Variants in FYB1 observed in about 807,000 individuals in gnomAD.
FYB1 encodes the protein FYN-binding protein 1.
A neutral mutation model predicts 94.1 loss-of-function variants in FYB1; 41 were observed. That is an observed-to-expected ratio of 0.44 (90% CI 0.34 to 0.57). The LOEUF (loss-of-function observed/expected upper bound fraction) is 0.57. FYB1 is among the 20% of genes least tolerant of loss of function. The pLI, the probability that FYB1 is intolerant of heterozygous loss-of-function variation, is 0.02. For synonymous variants in FYB1, 367 were observed against 353.2 expected (o/e 1.04, Z -0.44); for missense variants, 1,050 against 976.8 (o/e 1.07, Z -1.00).
At chr5:39,231,370 A>T (rs1021564613) in intron 1 of FYB1, among the ~76,000 whole-genome samples, 6 of 152,074 alleles carry the variant, frequency 3.9e-5, no homozygotes, top group African/African-American at 1.4e-4. Context: ...TTCTCTCTAA[A>T]TGTACTGAGT....
Position 39,118,943 on chromosome 5 carries a change from C to T in FYB1, c.2332G>A (p.Gly778Ser), listed in dbSNP as rs777173814. 8 of 1,571,518 alleles carry T rather than the reference C, an allele frequency of 5.1e-6. No individual in the cohort carries two copies. The highest frequency in any genetic ancestry group is 1.2e-5 in the South Asian group (1 of 84,818). Residue 778 changes from glycine to serine, a missense_variant, in exon 16 of 19, where the codon GGT becomes AGT. Gly to Ser is a moderately conservative substitution (Grantham distance 56). Coordinates refer to ENST00000512982, the MANE Select transcript of FYB1 (RefSeq NM_001465.6). ...GTTTGTATAACTTCTAGAGATTCAC[C>T]AGGTTTTACCTGTAGATCTCTGGTT... ...WGTRDLQVKP[G>S]ESLEVIQTTD...
Position 39,170,355 on chromosome 5 carries a change from T to C in FYB1, c.1136-16751A>G, listed in dbSNP as rs1045831894. ...ACATGATGGCAGCAGAATAATCCTATTGGCAAACCTGAGGACTCTGGGCCA... is the reference window on the plus strand; with the variant it reads ...ACATGATGGCAGCAGAATAATCCTACTGGCAAACCTGAGGACTCTGGGCCA... On this transcript the variant is annotated intron_variant, in intron 2 of 18. Coordinates refer to ENST00000512982, the MANE Select transcript of FYB1 (RefSeq NM_001465.6). The C allele has an allele frequency of 4.3e-5, 47 of 1,081,470 alleles. 1 individual carries two copies. Among genetic ancestry groups the C allele is most frequent in the Non-Finnish European group, 6.5e-6 (5 of 765,316 alleles). 67.0% of individuals were successfully genotyped at this position (1,081,470 alleles called of 1,614,324 possible).
At chr5:39,265,379 G>A (rs1231659133) in intron 1 of FYB1, among the ~76,000 whole-genome samples, 7 of 152,104 alleles carry the variant, frequency 4.6e-5, no homozygotes, top group Non-Finnish European at 1.5e-5. Flanking sequence ...AGCTACTCAG[G>A]AGGCTGAGGC....
intron 10 of FYB1, among the ~76,000 whole-genome samples, chr5:39,129,928 A>G (rs971575975): frequency 1.3e-5 from 2 of 152,162 alleles, no homozygotes; most frequent in African/African-American, 4.8e-5. Context: ...AAGGAAAGAG[A>G]ATCAGTATAT....
intron 10 of FYB1, 119 bp from the exon 11 acceptor site, chr5:39,127,926 T>G: frequency 1.1e-6 from 1 of 871,866 alleles, no homozygotes; most frequent in Admixed American, 3.8e-5. Context: ...CACTTTCATG[T>G]AAACCATTTA....
intron 3 of FYB1, among the ~76,000 whole-genome samples, chr5:39,146,993 C>G (rs953699280): frequency 6.6e-6 from 1 of 151,982 alleles, no homozygotes; most frequent in Non-Finnish European, 1.5e-5. Context: ...TTGAGAAAAG[C>G]CCCATACAGA....
chr5:39,173,057 A>G (rs1037807358), intron 2 of FYB1, among the ~76,000 whole-genome samples: 2 of 152,220 alleles, frequency 1.3e-5, no homozygotes, highest in Admixed American at 1.3e-4. Flanking sequence ...ACTACCTTAC[A>G]TTCCCACCAA....
chr5:39,140,564 C>A (rs980755850), intron 4 of FYB1, among the ~76,000 whole-genome samples: 1 of 152,170 alleles, frequency 6.6e-6, no homozygotes, highest in Non-Finnish European at 1.5e-5. Context: ...TCTTAGCAAC[C>A]ATTCCACTTC....
At chr5:39,242,775 A>G (rs1406092727) in intron 1 of FYB1, among the ~76,000 whole-genome samples, 1 of 152,066 alleles carries the variant, frequency 6.6e-6, no homozygotes, top group East Asian at 1.9e-4. Context: ...AAATGTTCCT[A>G]TTTCTCCACA....
chr5:39,167,173 T>TG (rs1252578245), intron 2 of FYB1, among the ~76,000 whole-genome samples: 2 of 151,800 alleles, frequency 1.3e-5, no homozygotes, highest in Non-Finnish European at 2.9e-5. Context: ...AAAGAAGTAG[T>TG]GGGGCACAGT....
At chr5:39,240,385 C>A (rs1751151530) in intron 1 of FYB1, among the ~76,000 whole-genome samples, 1 of 152,186 alleles carries the variant, frequency 6.6e-6, no homozygotes, top group Non-Finnish European at 1.5e-5. Flanking sequence ...AGTACACAGA[C>A]AATCTATAGA....
At chr5:39,149,419 C>T (rs1454592887) in intron 3 of FYB1, among the ~76,000 whole-genome samples, 1 of 152,172 alleles carries the variant, frequency 6.6e-6, no homozygotes, top group Non-Finnish European at 1.5e-5. Context: ...TTGGCTCCTG[C>T]AATTCTCCCC....
chr5:39,166,440 A>C (rs79542485), intron 2 of FYB1, among the ~76,000 whole-genome samples: 1 of 146,384 alleles, frequency 6.8e-6, no homozygotes, highest in Admixed American at 6.8e-5. Context: ...CGTCTCATAA[A>C]AAAAAAAAAA....
At chr5:39,196,559 T>C (rs994312654) in intron 2 of FYB1, among the ~76,000 whole-genome samples, 1 of 152,196 alleles carries the variant, frequency 6.6e-6, no homozygotes, top group Non-Finnish European at 1.5e-5. Flanking sequence ...ATTACTTTTG[T>C]ACTCCAAATG....
chr5:39,241,408 T>G (rs1236871364), intron 1 of FYB1, among the ~76,000 whole-genome samples: 2 of 152,138 alleles, frequency 1.3e-5, no homozygotes, highest in Non-Finnish European at 2.9e-5. Flanking sequence ...GAGGGGGACA[T>G]AAGCTTCAGT....
chr5:39,201,882 G>C lies in FYB1; in HGVS notation c.1079C>G (p.Pro360Arg), dbSNP rs1159077952. Reference protein sequence around the residue: ...LFTLGPPPPKPNRPPNVDLTK... With the variant: ...LFTLGPPPPKRNRPPNVDLTK... ...CAGGTCAACATTTGGTGGTCTGTTG[G>C]GTTTTGGTGGAGGTGGACCCAAGGT... The change falls in exon 2 of 19, where the codon CCC (proline) becomes CGC (arginine). Residue 360 changes from proline (P) to arginine (R), a missense_variant. Transcript: ENST00000512982. The C allele has an allele frequency of 6.2e-7, 1 of 1,613,876 alleles. No homozygotes were observed. The highest frequency in any genetic ancestry group is 1.7e-5 in the Admixed American group (1 of 59,998).
At chr5:39,137,759 G>A in intron 6 of FYB1, 39 bp from the exon 7 acceptor site, 6 of 1,549,246 alleles carry the variant, frequency 3.9e-6, no homozygotes, top group Non-Finnish European at 5.2e-6. Context: ...CACATCTGCA[G>A]GTGTTGATGC....
intron 17 of FYB1, among the ~76,000 whole-genome samples, chr5:39,108,869 T>G (rs1437481504): frequency 6.6e-6 from 1 of 152,094 alleles, no homozygotes; most frequent in Admixed American, 6.6e-5. Flanking sequence ...TTACACATTT[T>G]AGGTTTTGCC....
chr5:39,206,770 A>G (rs1378258611), intron 1 of FYB1, among the ~76,000 whole-genome samples: 2 of 152,206 alleles, frequency 1.3e-5, no homozygotes, highest in African/African-American at 2.4e-5. Flanking sequence ...CCAGTTTCCT[A>G]TGTATGTTGC....
Sources: gnomAD v4.1 joint callset for allele counts (sites outside exome capture counted in the v4.1 genomes callset) on GRCh38, gnomAD v4.1.1 for gene constraint, MANE v1.5 for transcripts, NCBI Gene and HGNC (gene_info 2026-07-23, HGNC 2026-07-21) for gene names.